Variants in COPG2 observed in about 807,000 individuals in gnomAD.
The protein encoded by COPG2 is coat protein complex I subunit gamma 2.
COPG2 carries 37 observed loss-of-function variants against 46.3 expected under a neutral mutation model. The observed-to-expected ratio is 0.80, with a 90% CI of 0.61 to 1.05. COPG2 has a LOEUF of 1.05. Among genes scored for constraint, COPG2 ranks in the 50% least tolerant of loss-of-function variants. COPG2 has a pLI of 0.00. For missense variants in COPG2, 427 were observed against 387.8 expected (o/e 1.10, Z -0.85); for synonymous variants, 159 against 129.7 (o/e 1.23, Z -1.53).
intron 9 of COPG2, among the ~76,000 whole-genome samples, chr7:130,587,979 G>A (rs1794308354): frequency 6.6e-6 from 1 of 151,660 alleles, no homozygotes; most frequent in Non-Finnish European, 1.5e-5. Flanking sequence ...TCAAAAAGTG[G>A]GCGAAGTATA....
At chr7:130,627,332 A>G (rs1185429944) in intron 5 of COPG2, among the ~76,000 whole-genome samples, 7 of 152,188 alleles carry the variant, frequency 4.6e-5, no homozygotes, top group Admixed American at 4.6e-4. Context: ...GCCCTCCTGC[A>G]CAAATAATTC....
intron 9 of COPG2, chr7:130,610,161 T>G (rs898939571): frequency 5.9e-6 from 3 of 508,422 alleles, no homozygotes. Context: ...AAAGGTGCAG[T>G]AGACACTGAT....
At chr7:130,607,223 AGAGT>A (rs1173301417) in intron 9 of COPG2, among the ~76,000 whole-genome samples, 1 of 150,166 alleles carries the variant, frequency 6.7e-6, no homozygotes, top group East Asian at 2.0e-4. Context: ...GCTTCACAAC[AGAGT>A]GAGAGAGACT....
chr7:130,566,597 C>T lies in COPG2; in HGVS notation c.738-2204G>A, dbSNP rs1357480223. On this transcript the variant is annotated intron_variant, in intron 9 of 23. Transcript: ENST00000425248. ...ATGTCCAGCATAAGACCTGCAGAGGCGGGGCACCAGCTTAATGCCAGGGCC... is the reference window on the plus strand; with the variant it reads ...ATGTCCAGCATAAGACCTGCAGAGGTGGGGCACCAGCTTAATGCCAGGGCC... Among the ~76,000 whole-genome samples, 16 of 152,250 alleles carry T rather than the reference C, an allele frequency of 1.1e-4. No homozygotes were observed. In the South Asian group the frequency reaches 1.5e-3, roughly 14 times the overall value.
At chr7:130,548,723 C>G (rs1339624445) in intron 18 of COPG2, among the ~76,000 whole-genome samples, 181 bp from the exon 19 acceptor site, 3 of 152,088 alleles carry the variant, frequency 2.0e-5, no homozygotes, top group Non-Finnish European at 2.9e-5. Context: ...TAAGACCATC[C>G]TGGCTAACAT....
chr7:130,604,022 A>AT (rs1299523268), intron 9 of COPG2, among the ~76,000 whole-genome samples: 11 of 152,248 alleles, frequency 7.2e-5, no homozygotes, highest in African/African-American at 2.4e-4. Flanking sequence ...AAGAGAAGAT[A>AT]TAACTATTCA....
intron 20 of COPG2, among the ~76,000 whole-genome samples, chr7:130,531,487 C>A (rs888000770): frequency 3.3e-5 from 5 of 151,922 alleles, no homozygotes; most frequent in African/African-American, 1.2e-4. Context: ...CCCAGAAGAA[C>A]AGGTGGAGGC....
At chr7:130,612,070 A>G (rs144934732) in intron 8 of COPG2, 82 bp downstream of exon 8, 1 of 946,356 alleles carries the variant, frequency 1.1e-6, no homozygotes, top group African/African-American at 1.6e-5. Context: ...ATGTTTATCT[A>G]GGGAATCGAT....
At chr7:130,528,254 G>C (rs929728342) in intron 20 of COPG2, among the ~76,000 whole-genome samples, 1 of 152,056 alleles carries the variant, frequency 6.6e-6, no homozygotes, top group African/African-American at 2.4e-5. Flanking sequence ...AAGTGCTGTG[G>C]TGACAGGAAG....
At chr7:130,629,399 A>ATTTT (rs35503772) in intron 5 of COPG2, among the ~76,000 whole-genome samples, 3 of 140,584 alleles carry the variant, frequency 2.1e-5, no homozygotes, top group Non-Finnish European at 4.6e-5. Context: ...TATTATTATC[A>ATTTT]TTTTTTTTTT....
chr7:130,646,828 G>C lies in COPG2; in HGVS notation c.323+6041C>G, dbSNP rs188225079. On this transcript the variant is annotated intron_variant, in intron 5 of 23. Transcript: ENST00000425248. ...GCCTGCTTCCCCTTCTGCCATGATT[G>C]TAAGTTTCCTGAGGCCTCCCCCAGC... 4.3e-3 allele frequency among the ~76,000 whole-genome samples: 652 copies of C among 151,602 alleles called. 2 individuals are homozygous for C. The highest frequency in any genetic ancestry group is 6.8e-3 in the Non-Finnish European group (459 of 67,942).
At chr7:130,550,148 C>T (rs963509770) in intron 17 of COPG2, among the ~76,000 whole-genome samples, 4 of 152,084 alleles carry the variant, frequency 2.6e-5, no homozygotes, top group East Asian at 1.9e-4. Flanking sequence ...CGGTGGCTCC[C>T]GCCTGTAATC....
intron 9 of COPG2, among the ~76,000 whole-genome samples, chr7:130,609,837 GA>G (rs1315195700): frequency 6.6e-6 from 1 of 151,980 alleles, no homozygotes; most frequent in East Asian, 1.9e-4. Flanking sequence ...TTTGGTTCAA[GA>G]TTTTTTTTCT....
At chr7:130,616,205 T>C (rs1794946391) in intron 6 of COPG2, among the ~76,000 whole-genome samples, 1 of 152,222 alleles carries the variant, frequency 6.6e-6, no homozygotes, top group African/African-American at 2.4e-5. Flanking sequence ...ATATATATTT[T>C]TTTCCAAGTG....
chr7:130,615,432 C>T (rs1283840847), intron 6 of COPG2, among the ~76,000 whole-genome samples: 3 of 152,186 alleles, frequency 2.0e-5, no homozygotes, highest in Admixed American at 2.0e-4. Context: ...GAATGCACTT[C>T]ATCTATGTCT....
intron 15 of COPG2, 33 bp downstream of exon 15, chr7:130,552,322 A>AC: frequency 2.6e-6 from 1 of 391,832 alleles, no homozygotes; most frequent in Non-Finnish European, 4.5e-6. Context: ...TAGAATTCTT[A>AC]TTTTTTTTTA....
intron 9 of COPG2, among the ~76,000 whole-genome samples, chr7:130,575,879 C>T (rs1242674015): frequency 1.3e-5 from 2 of 152,234 alleles, no homozygotes; most frequent in Middle Eastern, 3.4e-3. Context: ...TTATGAAATA[C>T]CTCATGCAAA....
intron 9 of COPG2, among the ~76,000 whole-genome samples, chr7:130,598,398 A>T (rs1194369455): frequency 6.6e-6 from 1 of 152,198 alleles, no homozygotes; most frequent in Non-Finnish European, 1.5e-5. Context: ...CTCAGATAAG[A>T]ATACCATTCA....
chr7:130,550,520 G>A lies in COPG2; in HGVS notation c.1774+4C>T. 1 of 374,832 alleles carries A rather than the reference G, an allele frequency of 2.7e-6. No individual in the cohort carries two copies. Among genetic ancestry groups the A allele is most frequent in the East Asian group, 3.8e-5 (1 of 26,344 alleles). The allele number at this position is 374,832 out of a possible 1,614,324, so 23.2% of individuals were successfully genotyped here. On this transcript the variant is annotated splice_donor_region_variant and intron_variant, in intron 17 of 23. Transcript: ENST00000425248. The stretch of plus-strand genomic sequence containing the variant: ...TTATACACAGAAAAATGAATAGAGT[G>A]AACCTGCTTTCTGTTCAAAGACAGG...
Sources: gnomAD v4.1 joint callset for allele counts (sites outside exome capture counted in the v4.1 genomes callset) on GRCh38, gnomAD v4.1.1 for gene constraint, MANE v1.5 for transcripts, NCBI Gene and HGNC (gene_info 2026-07-23, HGNC 2026-07-21) for gene names.